Variants in DDX46 observed in about 807,000 individuals in gnomAD.
DDX46 encodes DEAD-box helicase 46.
In DDX46, 30 loss-of-function variants were observed where a neutral mutation model predicts 134.9. That is an observed-to-expected ratio of 0.22 (90% CI 0.17 to 0.30). DDX46 has a LOEUF of 0.30. Among genes scored for constraint, DDX46 ranks in the 10% least tolerant of loss-of-function variants. The pLI, the probability that DDX46 is intolerant of heterozygous loss-of-function variation, is 1.00. For missense variants in DDX46, 622 were observed against 1,248.7 expected (o/e 0.50, Z 7.56); for synonymous variants, 415 against 404.1 (o/e 1.03, Z -0.32).
At chr5:134,784,618 T>G in intron 10 of DDX46, 77 bp downstream of exon 10, 1 of 1,417,596 alleles carries the variant, frequency 7.1e-7, no homozygotes, top group Non-Finnish European at 9.4e-7. Flanking sequence ...GTTTATAATG[T>G]TCTTAATTAT....
rs775846714 is a variant in DDX46, at chr5:134,794,878, C to G, written c.1655C>G (p.Pro552Arg). The change falls in exon 14 of 23, where the codon CCT becomes CGT. Residue 552 changes from proline (P) to arginine (R), a missense_variant. Pro to Arg is a moderately radical substitution (Grantham distance 103). Around this residue, in one of 8 missense-constraint regions of DDX46, gnomAD observed 209 missense variants for 508.4 expected, o/e 0.41. Coordinates refer to ENST00000452510, the MANE Select transcript of DDX46 (RefSeq NM_001300860.2). The part of the protein sequence containing the change: ...QVMRIVDNVR[P>R]DRQTVMFSAT... ...ATGCGCATCGTGGATAATGTTCGTC[C>G]TGATCGACAGACGGTTATGTTTTCA... is the stretch of plus-strand genomic sequence containing the variant. 6.2e-7 allele frequency: 1 copy of G among 1,614,146 alleles called. No individual in the cohort carries two copies.
chr5:134,803,461 T>G (rs1446239742), intron 15 of DDX46, among the ~76,000 whole-genome samples: 1 of 152,210 alleles, frequency 6.6e-6, no homozygotes, highest in Non-Finnish European at 1.5e-5. Flanking sequence ...GTCCTGAGTT[T>G]GTTTTGAACA....
At position 134,827,106 on chromosome 5, in the gene DDX46, A is replaced by T. The variant is rs1039356618; in HGVS notation, c.3051+86A>T. 3.8e-6 allele frequency: 5 copies of T among 1,330,020 alleles called. No homozygotes were observed. In the African/African-American group the frequency reaches 7.4e-5, roughly 20 times the overall value. 82.4% of individuals were successfully genotyped at this position (1,330,020 alleles called of 1,614,324 possible). A position where few individuals can be genotyped will look rare whatever the true frequency, so the allele number is the denominator to read the frequency against. On this transcript the variant is annotated intron_variant, in intron 22 of 22. Transcript: ENST00000452510. ...AATACAGAGAAGTACTCAAATCATAAACATATAGTTTGATGAATTTTCACA... is the reference window on the plus strand; with the variant it reads ...AATACAGAGAAGTACTCAAATCATATACATATAGTTTGATGAATTTTCACA...
At chr5:134,818,798 C>G (rs116610103) in intron 20 of DDX46, 62 bp from the exon 21 acceptor site, 1 of 1,489,430 alleles carries the variant, frequency 6.7e-7, no homozygotes, top group Non-Finnish European at 9.1e-7. Flanking sequence ...TCTTTGTCAG[C>G]ACTCCTGGAT....
chr5:134,818,802 C>G, intron 20 of DDX46, 58 bp from the exon 21 acceptor site: 1 of 1,531,634 alleles, frequency 6.5e-7, no homozygotes, highest in Non-Finnish European at 8.8e-7. Flanking sequence ...TGTCAGCACT[C>G]CTGGATTTTT....
Position 134,811,788 on chromosome 5 carries a change from GT to G in DDX46, c.2381del (p.Leu794TyrfsTer34). On this transcript the variant is annotated frameshift_variant, in exon 18 of 23. Transcript: ENST00000452510. LOFTEE classifies it high-confidence loss of function. ...AAGCTTTGGCTAATGAGAGGAAGAA[GT>G]TACAAAAAGCAGCTCTTGGTCTACA... ...EQALANERKKLQKAALGLQDS... is the reference protein window; with the variant it reads ...EQALANERKKXQKAALGLQDS... 6.2e-7 allele frequency: 1 copy of G among 1,613,954 alleles called. No homozygotes were observed. The highest frequency in any genetic ancestry group is 8.5e-7 in the Non-Finnish European group (1 of 1,179,964).
At chr5:134,813,552 A>G (rs1320008455) in intron 18 of DDX46, among the ~76,000 whole-genome samples, 4 of 152,188 alleles carry the variant, frequency 2.6e-5, no homozygotes, top group Non-Finnish European at 2.9e-5. Flanking sequence ...GCAAAGAGAA[A>G]GCTTTAGTGC....
intron 21 of DDX46, among the ~76,000 whole-genome samples, chr5:134,824,602 AAG>A (rs1362398508): frequency 6.6e-6 from 1 of 152,196 alleles, no homozygotes; most frequent in Non-Finnish European, 1.5e-5. Flanking sequence ...AGAAAAGAAA[AAG>A]AAATATAATG....
chr5:134,789,045 CAT>C (rs780948097), intron 12 of DDX46, among the ~76,000 whole-genome samples: 1 of 152,104 alleles, frequency 6.6e-6, no homozygotes, highest in Non-Finnish European at 1.5e-5. Flanking sequence ...TTTTTCTCCA[CAT>C]GAGCTAGTAT....
intron 15 of DDX46, among the ~76,000 whole-genome samples, chr5:134,803,141 G>A (rs754710141): frequency 2.6e-5 from 4 of 151,980 alleles, no homozygotes; most frequent in South Asian, 2.1e-4. Flanking sequence ...TGACAGGTGC[G>A]TGCCACCACG....
chr5:134,790,582 A>G, intron 13 of DDX46, 30 bp downstream of exon 13: 1 of 1,566,826 alleles, frequency 6.4e-7, no homozygotes, highest in Non-Finnish European at 8.7e-7. Context: ...AGTGTTTTGA[A>G]ATGTAAATAT....
chr5:134,762,609 T>C (rs1303484020), intron 1 of DDX46, among the ~76,000 whole-genome samples: 1 of 151,772 alleles, frequency 6.6e-6, no homozygotes, highest in Non-Finnish European at 1.5e-5. Flanking sequence ...AGTATAGGCC[T>C]GTAATCCCAG....
intron 4 of DDX46, 34 bp from the exon 5 acceptor site, chr5:134,773,658 ATTTT>A: frequency 6.5e-7 from 1 of 1,541,852 alleles, no homozygotes; most frequent in African/African-American, 1.4e-5. Flanking sequence ...TTTGCTTTTT[ATTTT>A]CCCCCATCTC....
chr5:134,797,187 A>AAC, intron 15 of DDX46: 1 of 292,392 alleles, frequency 3.4e-6, no homozygotes, highest in South Asian at 3.3e-5. Flanking sequence ...AAAAAAAAAA[A>AAC]AAAAAAAAAA....
At chr5:134,770,507 C>T (rs999046564) in intron 3 of DDX46, among the ~76,000 whole-genome samples, 4 of 152,090 alleles carry the variant, frequency 2.6e-5, no homozygotes, top group Non-Finnish European at 5.9e-5. Flanking sequence ...AGGCACCTTA[C>T]CCCACCTGTA....
At chr5:134,814,565 G>A (rs1367402507) in intron 18 of DDX46, among the ~76,000 whole-genome samples, 3 of 152,150 alleles carry the variant, frequency 2.0e-5, no homozygotes, top group Non-Finnish European at 2.9e-5. Context: ...TAAATGTTGA[G>A]TTTTAAAACT....
At chr5:134,813,319 A>C (rs1755200115) in intron 18 of DDX46, among the ~76,000 whole-genome samples, 1 of 152,258 alleles carries the variant, frequency 6.6e-6, no homozygotes, top group Admixed American at 6.5e-5. Flanking sequence ...AACACTTATT[A>C]TCACATAGTT....
intron 21 of DDX46, among the ~76,000 whole-genome samples, chr5:134,824,557 C>T (rs979429862): frequency 1.3e-5 from 2 of 151,268 alleles, no homozygotes; most frequent in Non-Finnish European, 2.9e-5. Context: ...CCAGCCTGGG[C>T]AAAAACAGCG....
At chr5:134,760,803 C>T (rs1753354967) in intron 1 of DDX46, among the ~76,000 whole-genome samples, 1 of 151,954 alleles carries the variant, frequency 6.6e-6, no homozygotes, top group African/African-American at 2.4e-5. Context: ...GATCTCGGCT[C>T]ACTGCAAGCT....
Sources: gnomAD v4.1 joint callset for allele counts (sites outside exome capture counted in the v4.1 genomes callset) on GRCh38, gnomAD v4.1.1 for gene constraint, gnomAD v4.1.1 regional missense constraint, MANE v1.5 for transcripts, NCBI Gene and HGNC (gene_info 2026-07-23, HGNC 2026-07-21) for gene names.